The following LRRTM4 variants were observed in gnomAD, a reference collection of about 807,000 sequenced individuals.
LRRTM4 encodes leucine rich repeat transmembrane neuronal 4, also known as leucine-rich repeat transmembrane neuronal protein 4.
A neutral mutation model predicts 47.6 loss-of-function variants in LRRTM4; 25 were observed. The ratio of observed to expected loss-of-function variants is 0.53; its 90% confidence interval spans 0.38 to 0.73. The LOEUF (loss-of-function observed/expected upper bound fraction) is 0.73. Ranked by LOEUF, LRRTM4 falls within the 30% of genes least tolerant of loss-of-function variation. The pLI is 0.00. For synonymous variants in LRRTM4, 311 were observed against 269.5 expected (o/e 1.15, Z -1.51); for missense variants, 638 against 713.4 (o/e 0.89, Z 1.20).
At chr2:77,012,691 G>A (rs1383070603) in intron 3 of LRRTM4, among the ~76,000 whole-genome samples, 1 of 152,094 alleles carries the variant, frequency 6.6e-6, no homozygotes, top group Non-Finnish European at 1.5e-5. Flanking sequence ...AGCATGAATT[G>A]AGTGACCCCC....
At chr2:76,853,427 G>A (rs555600801) in intron 3 of LRRTM4, among the ~76,000 whole-genome samples, 22 of 152,050 alleles carry the variant, frequency 1.4e-4, no homozygotes, top group South Asian at 1.0e-3. Context: ...CACCATCTAA[G>A]TAGAAGTCAA....
intron 3 of LRRTM4, among the ~76,000 whole-genome samples, chr2:77,018,073 ATTGT>A (rs1459304545): frequency 6.6e-6 from 1 of 151,960 alleles, no homozygotes; most frequent in African/African-American, 2.4e-5. Flanking sequence ...TGGTATACAA[ATTGT>A]TTAATGTAAG....
chr2:76,927,584 T>G (rs1379920349), intron 3 of LRRTM4, among the ~76,000 whole-genome samples: 6 of 152,146 alleles, frequency 3.9e-5, no homozygotes, highest in Non-Finnish European at 5.9e-5. Flanking sequence ...GCCAATACCT[T>G]TCTCTATTCC....
intron 3 of LRRTM4, among the ~76,000 whole-genome samples, chr2:76,852,860 T>C (rs1022097000): frequency 2.6e-5 from 4 of 152,084 alleles, no homozygotes; most frequent in African/African-American, 7.2e-5. Context: ...ATTAGGATAG[T>C]AGGTTTAGAG....
At chr2:77,024,248 A>G (rs1393970185) in intron 3 of LRRTM4, among the ~76,000 whole-genome samples, 1 of 152,182 alleles carries the variant, frequency 6.6e-6, no homozygotes. Context: ...CACAGAGCCA[A>G]ACCATATCAC....
At chr2:77,101,771 G>T (rs941501672) in intron 3 of LRRTM4, among the ~76,000 whole-genome samples, 3 of 152,068 alleles carry the variant, frequency 2.0e-5, no homozygotes, top group African/African-American at 7.2e-5. Context: ...AAGACCCAAG[G>T]TGAACTAAAA....
At chr2:77,070,730 A>T (rs1016554496) in intron 3 of LRRTM4, among the ~76,000 whole-genome samples, 2 of 152,196 alleles carry the variant, frequency 1.3e-5, no homozygotes, top group South Asian at 4.2e-4. Context: ...TCCCAGGTTC[A>T]AGCAATTCTC....
chr2:76,862,280 G>A (rs1672336095), intron 3 of LRRTM4, among the ~76,000 whole-genome samples: 2 of 152,070 alleles, frequency 1.3e-5, no homozygotes, highest in African/African-American at 4.8e-5. Flanking sequence ...TTCCTCTCAG[G>A]TGACAGCCTG....
At chr2:77,111,690 A>C (rs963724490) in intron 3 of LRRTM4, among the ~76,000 whole-genome samples, 1 of 152,072 alleles carries the variant, frequency 6.6e-6, no homozygotes, top group Non-Finnish European at 1.5e-5. Flanking sequence ...GTCTTATTGC[A>C]GTGCTTGTGT....
intron 3 of LRRTM4, among the ~76,000 whole-genome samples, chr2:76,961,311 T>C (rs2103913256): frequency 6.6e-6 from 1 of 151,506 alleles, no homozygotes; most frequent in South Asian, 2.1e-4. Context: ...TTTCTGAGTC[T>C]TATAATTCCC....
chr2:76,804,279 T>C (rs1034091065), intron 3 of LRRTM4, among the ~76,000 whole-genome samples: 23 of 152,210 alleles, frequency 1.5e-4, no homozygotes, highest in African/African-American at 5.5e-4. Flanking sequence ...TTTAATTTGT[T>C]ATTTCTCAAG....
At chr2:77,436,438 T>C (rs1426029101) in intron 3 of LRRTM4, among the ~76,000 whole-genome samples, 1 of 151,868 alleles carries the variant, frequency 6.6e-6, no homozygotes, top group African/African-American at 2.4e-5. Flanking sequence ...TATAATCATA[T>C]ATAATTGCTA....
chr2:77,238,965 T>C (rs942706694), intron 3 of LRRTM4, among the ~76,000 whole-genome samples: 1 of 151,988 alleles, frequency 6.6e-6, no homozygotes, highest in African/African-American at 2.4e-5. Context: ...ATTCTTAATG[T>C]ACCTCATAAG....
intron 3 of LRRTM4, among the ~76,000 whole-genome samples, chr2:76,951,329 G>A (rs760556690): frequency 1.4e-4 from 21 of 152,038 alleles, no homozygotes; most frequent in Middle Eastern, 6.8e-3. Context: ...CTTAAGGATG[G>A]CTTCTCTTTC....
chr2:76,782,356 T>G (rs753107175), intron 3 of LRRTM4, among the ~76,000 whole-genome samples: 2 of 152,220 alleles, frequency 1.3e-5, no homozygotes, highest in Non-Finnish European at 1.5e-5. Flanking sequence ...CTTGTAATTT[T>G]ATGACTTTTC....
chr2:76,962,887 G>A (rs1026452509), intron 3 of LRRTM4, among the ~76,000 whole-genome samples: 1 of 150,498 alleles, frequency 6.6e-6, no homozygotes, highest in Non-Finnish European at 1.5e-5. Flanking sequence ...ATGCCACCGT[G>A]ACTCAGAAGC....
intron 3 of LRRTM4, among the ~76,000 whole-genome samples, chr2:77,499,202 A>T: frequency 6.6e-6 from 1 of 151,914 alleles, no homozygotes; most frequent in East Asian, 1.9e-4. Context: ...GAGGCAAGGC[A>T]TGTTTACCAC....
At chr2:77,048,619 A>T (rs1679309707) in intron 3 of LRRTM4, among the ~76,000 whole-genome samples, 1 of 151,664 alleles carries the variant, frequency 6.6e-6, no homozygotes, top group African/African-American at 2.4e-5. Context: ...TCCAGTTTGA[A>T]TTTTTCTTAT....
chr2:77,287,901 T>C (rs1053001525), intron 3 of LRRTM4, among the ~76,000 whole-genome samples: 7 of 151,932 alleles, frequency 4.6e-5, no homozygotes, highest in African/African-American at 1.2e-4. Context: ...CCACTGGGGG[T>C]TTTGGAAGCT....
Sources: gnomAD v4.1 joint callset for allele counts (sites outside exome capture counted in the v4.1 genomes callset) on GRCh38, gnomAD v4.1.1 for gene constraint, MANE v1.5 for transcripts, NCBI Gene and HGNC (gene_info 2026-07-23, HGNC 2026-07-21) for gene names.